Variants in EYS observed in about 807,000 individuals in gnomAD.
The protein encoded by EYS is protein eyes shut homolog.
In EYS, 250 loss-of-function variants were observed where a neutral mutation model predicts 282.1. The ratio of observed to expected loss-of-function variants is 0.89; its 90% CI spans 0.80 to 0.98. EYS has a LOEUF of 0.98. Among genes scored for constraint, EYS ranks in the 50% least tolerant of loss-of-function variants. The probability of loss-of-function intolerance (pLI) is 0.00; values close to 1 mark genes in which losing one functional copy is unlikely to be tolerated. For missense variants in EYS, 4,016 were observed against 3,709.0 expected (o/e 1.08, Z -2.15); for synonymous variants, 1,355 against 1,282.9 (o/e 1.06, Z -1.20).
intron 39 of EYS, among the ~76,000 whole-genome samples, chr6:63,783,952 A>G (rs1770300934): frequency 1.3e-5 from 2 of 152,154 alleles, no homozygotes; most frequent in Admixed American, 6.5e-5. Flanking sequence ...GCCCTCCCTA[A>G]TGTGGGTGGG....
intron 31 of EYS, among the ~76,000 whole-genome samples, chr6:64,084,150 T>G (rs866710365): frequency 1.4e-4 from 22 of 152,256 alleles, no homozygotes; most frequent in African/African-American, 5.3e-4. Flanking sequence ...TTGCTAGATC[T>G]GGCAACACTA....
chr6:63,763,508 G>A (rs1769702306), intron 40 of EYS, among the ~76,000 whole-genome samples: 1 of 152,004 alleles, frequency 6.6e-6, no homozygotes, highest in Non-Finnish European at 1.5e-5. Context: ...GTTGTGGGAG[G>A]GACCAGGTGG....
In EYS at chr6:64,246,188, T is replaced by C. The variant is rs113681355; in HGVS notation, c.6192-15364A>G. On this transcript the variant is annotated intron_variant, in intron 30 of 42. Coordinates refer to ENST00000503581, the MANE Select transcript of EYS (RefSeq NM_001142800.2). ...TTTCCTTAGGCATCCTTTTTTTTTT[T>C]CCCTCTCTTTTCTTTCTTAATTTCC... Among the ~76,000 whole-genome samples the C allele has an allele frequency of 7.8e-3, 1,145 of 146,952 alleles. 13 individuals carry two copies. Among genetic ancestry groups the C allele is most frequent in the African/African-American group, 0.027 (1,058 of 39,924 alleles).
chr6:63,875,086 C>T (rs1046693663), intron 35 of EYS, among the ~76,000 whole-genome samples: 1 of 152,126 alleles, frequency 6.6e-6, no homozygotes, highest in African/African-American at 2.4e-5. Context: ...TTTGCCCATT[C>T]AGTATGATAT....
chr6:64,305,374 A>G lies in EYS; in HGVS notation c.6191+1596T>C, dbSNP rs530770630. Among the ~76,000 whole-genome samples the G allele has an allele frequency of 4.6e-5, 7 of 151,672 alleles. No homozygotes were observed. The East Asian group carries it at 1.3e-3, about 29-fold the overall frequency. On this transcript the variant is annotated intron_variant, in intron 30 of 42. Transcript: ENST00000503581. ...AGTGATTTTTTTTTTTCAGAAATAA[A>G]AAAATAATCCACTTAAAATTCCTGT...
At chr6:64,246,890 A>G (rs1767040671) in intron 30 of EYS, among the ~76,000 whole-genome samples, 1 of 147,600 alleles carries the variant, frequency 6.8e-6, no homozygotes, top group African/African-American at 2.7e-5. Context: ...GGAATGCAGG[A>G]AATTAAATTG....
intron 13 of EYS, among the ~76,000 whole-genome samples, chr6:65,027,838 C>T (rs578187241): frequency 2.3e-4 from 35 of 152,112 alleles, no homozygotes; most frequent in Admixed American, 8.5e-4. Context: ...TTGGTGAATA[C>T]GTATAAAGGT....
intron 29 of EYS, among the ~76,000 whole-genome samples, chr6:64,349,604 A>C (rs996985676): frequency 6.6e-6 from 1 of 151,318 alleles, no homozygotes; most frequent in Admixed American, 6.6e-5. Flanking sequence ...GCATATTTTT[A>C]TTTAAGTTGA....
At chr6:64,296,363 TATC>T (rs1768987560) in intron 30 of EYS, among the ~76,000 whole-genome samples, 1 of 152,108 alleles carries the variant, frequency 6.6e-6, no homozygotes, top group Non-Finnish European at 1.5e-5. Flanking sequence ...GCGCCATTCT[TATC>T]ATTACTTTTA....
At chr6:64,684,293 T>A (rs1770007713) in intron 22 of EYS, among the ~76,000 whole-genome samples, 1 of 152,066 alleles carries the variant, frequency 6.6e-6, no homozygotes, top group Non-Finnish European at 1.5e-5. Context: ...ACCTGTCAGC[T>A]CAGAAATATG....
chr6:65,554,690 C>T (rs540655063), intron 2 of EYS, among the ~76,000 whole-genome samples: 43 of 152,206 alleles, frequency 2.8e-4, no homozygotes, highest in Middle Eastern at 6.8e-3. Flanking sequence ...TAGATAAAGT[C>T]CTCAGTTAAA....
chr6:64,297,815 T>C (rs149440531), intron 30 of EYS, among the ~76,000 whole-genome samples: 2,003 of 151,840 alleles, frequency 0.013, 29 homozygotes, highest in East Asian at 0.048. Flanking sequence ...CCATCTCTAC[T>C]AAAAATACAA....
chr6:64,732,422 C>T (rs1457995766), intron 22 of EYS, among the ~76,000 whole-genome samples: 2 of 151,934 alleles, frequency 1.3e-5, no homozygotes, highest in Non-Finnish European at 2.9e-5. Flanking sequence ...TAATTGCATT[C>T]CATATACACC....
chr6:65,196,016 T>A (rs1765757949), intron 12 of EYS, among the ~76,000 whole-genome samples: 1 of 152,076 alleles, frequency 6.6e-6, no homozygotes. Flanking sequence ...GGATAATGAA[T>A]GCCTTGACAC....
rs202217898 is a variant in EYS, at chr6:65,497,587, C to A, written c.-332-1594G>T. 1.1e-4 allele frequency among the ~76,000 whole-genome samples: 17 copies of A among 152,044 alleles called. No individual in the cohort carries two copies. In the East Asian group the frequency reaches 2.5e-3, roughly 22 times the overall value. ...AGGAAGAGATTATATCAAGAAGGAG[C>A]AGCCATTCTCAGTAAAGGAGCTCAT... On this transcript the variant is annotated intron_variant, in intron 2 of 42. Coordinates refer to ENST00000503581, the MANE Select transcript of EYS (RefSeq NM_001142800.2).
chr6:64,956,509 C>A lies in EYS; in HGVS notation c.2260-10595G>T, dbSNP rs550802753. Among the ~76,000 whole-genome samples, 10 of 152,202 alleles carry A rather than the reference C, an allele frequency of 6.6e-5. No individual in the cohort carries two copies. The South Asian group carries it at 2.1e-3, about 32-fold the overall frequency. On this transcript the variant is annotated intron_variant, in intron 14 of 42. Coordinates refer to ENST00000503581, the MANE Select transcript of EYS (RefSeq NM_001142800.2). Reference sequence around the variant, plus strand: ...ACTACCACAGAAAACTGGGGAAAATCTCCAGGACATTGGTCAAATATTTCT... The same window carrying A: ...ACTACCACAGAAAACTGGGGAAAATATCCAGGACATTGGTCAAATATTTCT...
intron 32 of EYS, among the ~76,000 whole-genome samples, chr6:64,074,770 C>T (rs1326661704): frequency 6.6e-6 from 1 of 151,846 alleles, no homozygotes; most frequent in Non-Finnish European, 1.5e-5. Flanking sequence ...CTATCATCTA[C>T]CTTAACAGAA....
intron 2 of EYS, among the ~76,000 whole-genome samples, chr6:65,530,510 A>G (rs1490243319): frequency 6.6e-6 from 1 of 152,200 alleles, no homozygotes; most frequent in Non-Finnish European, 1.5e-5. Context: ...CTTAACAGAA[A>G]TGCTGGTGGA....
chr6:64,196,136 T>C (rs1765280592), intron 31 of EYS, among the ~76,000 whole-genome samples: 1 of 152,006 alleles, frequency 6.6e-6, no homozygotes, highest in African/African-American at 2.4e-5. Flanking sequence ...AAAAGACACA[T>C]GAAAAAATGC....
Sources: allele counts gnomAD v4.1 joint callset (sites outside exome capture counted in the v4.1 genomes callset), GRCh38; gene constraint gnomAD v4.1.1; transcripts MANE v1.5; gene names NCBI Gene and HGNC (gene_info 2026-07-23, HGNC 2026-07-21).